LRRTM4: variants seen among roughly 807,000 people sequenced by gnomAD.
The protein encoded by LRRTM4 is leucine rich repeat transmembrane neuronal 4.
Under a neutral mutation model 47.6 loss-of-function variants are expected in LRRTM4, and 25 were observed. That is an observed-to-expected ratio of 0.53 (90% CI 0.38 to 0.73). The LOEUF (loss-of-function observed/expected upper bound fraction) is 0.73, where lower values mean the gene tolerates loss of function less well. Ranked by LOEUF, LRRTM4 falls within the 30% of genes least tolerant of loss-of-function variation. The pLI, the probability that LRRTM4 is intolerant of heterozygous loss-of-function variation, is 0.00. For missense variants in LRRTM4, 638 were observed against 713.4 expected, an observed-to-expected ratio of 0.89 and a Z score of 1.20; for synonymous variants, 311 against 269.5, an observed-to-expected ratio of 1.15 and a Z score of -1.51.
In LRRTM4 at chr2:77,351,258, C is replaced by T. The variant is rs559591728; in HGVS notation, c.1551+167060G>A. Among the ~76,000 whole-genome samples the T allele has an allele frequency of 4.8e-4, 73 of 150,658 alleles. 1 individual carries two copies. In the South Asian group the frequency reaches 0.015, roughly 31 times the overall value. ...AGGAAACACACATTGATATAGCTCA[C>T]TGTGAAATAAAGTAGGAAAAAAAAA... On this transcript the variant is annotated intron_variant, in intron 3 of 3. Transcript: ENST00000409884.
At chr2:77,131,036 G>A (rs1671788944) in intron 3 of LRRTM4, among the ~76,000 whole-genome samples, 1 of 146,274 alleles carries the variant, frequency 6.8e-6, no homozygotes, top group Non-Finnish European at 1.5e-5. Flanking sequence ...GGGTTTCACC[G>A]TTTTAGCCGG....
intron 3 of LRRTM4, among the ~76,000 whole-genome samples, chr2:76,901,722 T>C (rs1450853755): frequency 6.6e-6 from 1 of 152,146 alleles, no homozygotes. Context: ...CCTGTTTGAG[T>C]ACCCTTTTAC....
intron 3 of LRRTM4, among the ~76,000 whole-genome samples, chr2:77,479,726 C>T (rs79036115): frequency 6.6e-6 from 1 of 151,776 alleles, no homozygotes; most frequent in Non-Finnish European, 1.5e-5. Context: ...TTTCTCTTCT[C>T]TCCATCTCTC....
intron 3 of LRRTM4, among the ~76,000 whole-genome samples, chr2:77,493,302 T>C (rs949298928): frequency 7.9e-5 from 12 of 151,908 alleles, no homozygotes; most frequent in African/African-American, 2.9e-4. Flanking sequence ...ACAGGGAAAA[T>C]GAATCGGTAA....
rs1573377963 is a variant in LRRTM4, at chr2:77,411,427, TC to T, written c.1551+106890del. Among the ~76,000 whole-genome samples, 40 of 149,522 alleles carry T rather than the reference TC, an allele frequency of 2.7e-4. 1 individual carries two copies. The highest frequency in any genetic ancestry group is 1.4e-3 in the East Asian group (7 of 4,968). On this transcript the variant is annotated intron_variant, in intron 3 of 3. Coordinates refer to ENST00000409884, the MANE Select transcript of LRRTM4 (RefSeq NM_001134745.3). ...TTTATTTCTCTCTTTCTTGTTTCTC[TC>T]TCTCTCTCTCTCTCTCTTTCTTCTT...
chr2:77,146,638 G>A (rs1209230688), intron 3 of LRRTM4, among the ~76,000 whole-genome samples: 1 of 152,028 alleles, frequency 6.6e-6, no homozygotes, highest in African/African-American at 2.4e-5. Context: ...TCCATTAAAA[G>A]TCACAGATTT....
intron 3 of LRRTM4, among the ~76,000 whole-genome samples, chr2:76,957,268 G>A (rs1487556508): frequency 6.6e-6 from 1 of 151,576 alleles, no homozygotes; most frequent in Non-Finnish European, 1.5e-5. Flanking sequence ...AGGGCAAAAT[G>A]GAAAGTCATT....
chr2:77,218,141 T>C (rs1392203046), intron 3 of LRRTM4, among the ~76,000 whole-genome samples: 1 of 152,098 alleles, frequency 6.6e-6, no homozygotes, highest in Non-Finnish European at 1.5e-5. Flanking sequence ...ATTACAGGCA[T>C]GTGCCGCCAT....
intron 3 of LRRTM4, among the ~76,000 whole-genome samples, chr2:76,779,537 A>ATCTT (rs1411652128): frequency 6.9e-6 from 1 of 144,324 alleles, no homozygotes; most frequent in African/African-American, 2.7e-5. Context: ...GTCTCTTTTG[A>ATCTT]TCTTTGTTGG....
At chr2:77,389,174 C>G (rs1188947796) in intron 3 of LRRTM4, among the ~76,000 whole-genome samples, 1 of 151,920 alleles carries the variant, frequency 6.6e-6, no homozygotes, top group Non-Finnish European at 1.5e-5. Flanking sequence ...TAATAGCTGC[C>G]AAACATATTG....
At chr2:76,924,820 CAT>C (rs544530181) in intron 3 of LRRTM4, among the ~76,000 whole-genome samples, 136 of 152,100 alleles carry the variant, frequency 8.9e-4, no homozygotes, top group Middle Eastern at 6.8e-3. Context: ...TAGTTCACCA[CAT>C]GTGTTGTAAA....
At chr2:77,467,139 T>C (rs562587566) in intron 3 of LRRTM4, among the ~76,000 whole-genome samples, 1 of 152,264 alleles carries the variant, frequency 6.6e-6, no homozygotes, top group Non-Finnish European at 1.5e-5. Flanking sequence ...TCATTTTGAT[T>C]ATTTTGGTTA....
chr2:76,926,994 A>G (rs1674609423), intron 3 of LRRTM4, among the ~76,000 whole-genome samples: 1 of 152,170 alleles, frequency 6.6e-6, no homozygotes, highest in Non-Finnish European at 1.5e-5. Context: ...ATGAGGACAT[A>G]ATATTTTACA....
intron 3 of LRRTM4, among the ~76,000 whole-genome samples, chr2:77,503,092 G>C (rs956085261): frequency 6.6e-6 from 1 of 151,186 alleles, no homozygotes; most frequent in South Asian, 2.1e-4. Flanking sequence ...TCAACAATAG[G>C]ACTCCACTAA....
At chr2:76,797,752 A>C (rs184956825) in intron 3 of LRRTM4, among the ~76,000 whole-genome samples, 1 of 150,530 alleles carries the variant, frequency 6.6e-6, no homozygotes, top group African/African-American at 2.5e-5. Context: ...ATAGGCTCAA[A>C]ATAAAAGGAT....
chr2:77,201,218 C>G (rs1373656383), intron 3 of LRRTM4, among the ~76,000 whole-genome samples: 1 of 152,094 alleles, frequency 6.6e-6, no homozygotes, highest in East Asian at 1.9e-4. Context: ...GGTTGATAAT[C>G]TGGATTCTTA....
At position 77,192,266 on chromosome 2, in the gene LRRTM4, G is replaced by T. The variant is rs78978420; in HGVS notation, c.1551+326052C>A. On this transcript the variant is annotated intron_variant, in intron 3 of 3. Transcript: ENST00000409884. ...TAAAGAGCTACATTGTTTGAATCAA[G>T]ATTTTTGCTATACATGCATTTTATT... Among the ~76,000 whole-genome samples the T allele has an allele frequency of 2.7e-3, 409 of 152,080 alleles. 2 individuals carry two copies. The highest frequency in any genetic ancestry group is 9.4e-3 in the African/African-American group (390 of 41,530).
intron 3 of LRRTM4, among the ~76,000 whole-genome samples, chr2:77,319,810 T>C (rs1677734062): frequency 1.3e-5 from 2 of 152,216 alleles, no homozygotes; most frequent in Non-Finnish European, 2.9e-5. Flanking sequence ...AGATTTGTTG[T>C]CTATTAAAGA....
intron 3 of LRRTM4, among the ~76,000 whole-genome samples, chr2:77,400,267 C>G (rs1558725382): frequency 6.6e-6 from 1 of 151,606 alleles, no homozygotes; most frequent in Non-Finnish European, 1.5e-5. Flanking sequence ...GATTTTTGCT[C>G]TATTGCCTAC....
Sources: allele counts gnomAD v4.1 joint callset (sites outside exome capture counted in the v4.1 genomes callset), GRCh38; gene constraint gnomAD v4.1.1; transcripts MANE v1.5; gene names NCBI Gene and HGNC (gene_info 2026-07-23, HGNC 2026-07-21).